Variants in VAC14 observed in about 807,000 individuals in gnomAD.
VAC14 encodes VAC14 component of PIKFYVE complex.
Under a neutral mutation model 85.3 loss-of-function variants are expected in VAC14, and 47 were observed. The ratio of observed to expected loss-of-function variants is 0.55; its 90% confidence interval spans 0.44 to 0.70. The LOEUF (loss-of-function observed/expected upper bound fraction) is 0.70, where lower values mean the gene tolerates loss of function less well. Among genes scored for constraint, VAC14 ranks in the 30% least tolerant of loss-of-function variants. VAC14 has a pLI of 0.00. For missense variants in VAC14, 861 were observed against 1,004.3 expected (o/e 0.86, Z 1.93); for synonymous variants, 447 against 430.5 (o/e 1.04, Z -0.47).
intron 14 of VAC14, chr16:70,715,771 AGTCGGGGCT>A (rs1308888077): frequency 2.8e-4 from 43 of 152,254 alleles, no homozygotes; most frequent in African/African-American, 1.0e-3. Flanking sequence ...TATGCGGTGG[AGTCGGGGCT>A]GTCGGGCCAA....
In VAC14 at chr16:70,761,016, T is replaced by TGTGTGC. The variant is rs1413571677; in HGVS notation, c.1371+1523_1371+1524insGCACAC. The TGTGTGC allele has an allele frequency of 1.1e-4, 33 of 300,922 alleles. No homozygotes were observed. The African/African-American group carries it at 1.2e-3, about 11-fold the overall frequency. 18.6% of individuals were successfully genotyped at this position (300,922 alleles called of 1,614,324 possible). A position where few individuals can be genotyped will look rare whatever the true frequency, so the allele number is the denominator to read the frequency against. On this transcript the variant is annotated intron_variant, in intron 12 of 18. Coordinates refer to ENST00000261776, the MANE Select transcript of VAC14 (RefSeq NM_018052.5). ...GTGTGTGTGTGTGTGTGTGTGTGTG[T>TGTGTGC]GTGCATGGGGGGGCGGGGGGTAGGC...
At chr16:70,711,916 C>T (rs752694662) in intron 14 of VAC14, among the ~76,000 whole-genome samples, 33 of 152,170 alleles carry the variant, frequency 2.2e-4, no homozygotes, top group Non-Finnish European at 3.2e-4. Flanking sequence ...AGCAGCCTCA[C>T]GGCGGCCTCT....
At chr16:70,706,744 G>A (rs1048708874) in intron 14 of VAC14, among the ~76,000 whole-genome samples, 21 of 151,904 alleles carry the variant, frequency 1.4e-4, no homozygotes, top group Middle Eastern at 3.2e-3. Flanking sequence ...CACCCGCCTC[G>A]GCCTCCCTAA....
At chr16:70,761,016 TGTGC>T (rs2032313979) in intron 12 of VAC14, 1 of 300,786 alleles carries the variant, frequency 3.3e-6, no homozygotes. Context: ...TGTGTGTGTG[TGTGC>T]ATGGGGGGGC....
chr16:70,714,892 G>A (rs1488669806), intron 14 of VAC14: 1 of 152,236 alleles, frequency 6.6e-6, no homozygotes, highest in East Asian at 1.9e-4. Flanking sequence ...GTGAACAAGT[G>A]AGGGTCTCAC....
At chr16:70,744,268 G>A (rs995349869) in intron 13 of VAC14, among the ~76,000 whole-genome samples, 155 bp downstream of exon 13, 3 of 152,174 alleles carry the variant, frequency 2.0e-5, no homozygotes, top group African/African-American at 7.2e-5. Flanking sequence ...GCGGTCTTGA[G>A]GTGGGAGATC....
intron 10 of VAC14, among the ~76,000 whole-genome samples, chr16:70,767,957 T>C (rs2032939223): frequency 1.3e-5 from 2 of 152,286 alleles, no homozygotes; most frequent in African/African-American, 4.8e-5. Context: ...CAATCATGAC[T>C]CACTGCACCC....
chr16:70,698,735 T>G lies in VAC14; in HGVS notation c.1738A>C (p.Lys580Gln). ...ADILLREEDL[K>Q]FASTMVHALN... ...GCGTGGACCATGGTCGAGGCGAACT[T>G]GAGGTCCTCCTCCCGCAGCAGGATG... The change falls in exon 15 of 19, where the codon AAG (lysine) becomes CAG (glutamine). Residue 580 changes from lysine to glutamine, a missense_variant. Around this residue, in one of 3 missense-constraint regions of VAC14, gnomAD observed 69 missense variants for 139.0 expected, o/e 0.50. Transcript: ENST00000261776. The G allele has an allele frequency of 6.2e-7, 1 of 1,614,192 alleles. No individual in the cohort carries two copies. The highest frequency in any genetic ancestry group is 8.5e-7 in the Non-Finnish European group (1 of 1,180,016).
Position 70,785,870 on chromosome 16 carries a change from C to A in VAC14, c.256-1G>T. The A allele has an allele frequency of 6.2e-7, 1 of 1,603,140 alleles. No individual in the cohort carries two copies. The highest frequency in any genetic ancestry group is 8.5e-7 in the Non-Finnish European group (1 of 1,173,752). ...GCTCCTTCAGGTAGAGCCCTGAGTC[C>A]TGCAAGGAGGCAGGAGGAGAAGACA... On this transcript the variant is annotated splice_acceptor_variant, in intron 2 of 18. Transcript: ENST00000261776. LOFTEE classifies it high-confidence loss of function.
chr16:70,763,361 C>T (rs182481331), intron 10 of VAC14, among the ~76,000 whole-genome samples: 14 of 152,340 alleles, frequency 9.2e-5, no homozygotes, highest in Non-Finnish European at 2.1e-4. Flanking sequence ...CTTTCTCCAG[C>T]ACCAGCCTGG....
chr16:70,741,775 C>T (rs1255154109), intron 13 of VAC14, among the ~76,000 whole-genome samples: 1 of 152,192 alleles, frequency 6.6e-6, no homozygotes, highest in Non-Finnish European at 1.5e-5. Flanking sequence ...ATCTGACAGC[C>T]TCGGTGAGTT....
chr16:70,777,945 G>C (rs1433904148), intron 9 of VAC14, among the ~76,000 whole-genome samples: 1 of 152,244 alleles, frequency 6.6e-6, no homozygotes, highest in Non-Finnish European at 1.5e-5. Context: ...GGCAGGGACT[G>C]TCTCCTGGGC....
rs2034043478 is a variant in VAC14 at position 70,786,130 on chromosome 16, G to T, written c.255+85C>A. On this transcript the variant is annotated intron_variant, in intron 2 of 18. Transcript: ENST00000261776. ...AAACATAGGTCTGCAATGCCCTACT[G>T]GGTCTTGACAGGGAAGGCATCGGGA... 3 of 1,553,164 alleles carry T rather than the reference G, an allele frequency of 1.9e-6. No individual in the cohort carries two copies. The African/African-American group carries it at 4.1e-5, about 21-fold the overall frequency.
chr16:70,689,945 T>C lies in VAC14; in HGVS notation c.2187-1855A>G. ...GTGGCCAGACGCTCCTCTAACCCAC[T>C]TAGGCCAAGGCCACAGGTGTGACCC... On this transcript the variant is annotated intron_variant, in intron 18 of 18. Coordinates refer to ENST00000261776, the MANE Select transcript of VAC14 (RefSeq NM_018052.5). The C allele has an allele frequency of 7.1e-6, 7 of 985,462 alleles. No individual in the cohort carries two copies. The South Asian group carries it at 3.3e-4, about 46-fold the overall frequency. The allele number at this position is 985,462 out of a possible 1,614,324, so 61.0% of individuals were successfully genotyped here.
chr16:70,696,503 A>G (rs2053713706), intron 16 of VAC14, among the ~76,000 whole-genome samples: 2 of 152,032 alleles, frequency 1.3e-5, no homozygotes, highest in South Asian at 2.1e-4. Flanking sequence ...ACAAAGCAAG[A>G]CTCCACCTCA....
At chr16:70,729,260 C>T (rs79035981) in intron 14 of VAC14, among the ~76,000 whole-genome samples, 3,192 of 152,300 alleles carry the variant, frequency 0.021, 94 homozygotes, top group African/African-American at 0.071. Context: ...GCGCTGAGTT[C>T]GAGAAGCCCT....
intron 12 of VAC14, chr16:70,755,052 T>C (rs2031719917): frequency 5.6e-6 from 1 of 177,688 alleles, no homozygotes. Context: ...GGCGGTGTCA[T>C]GTGACCTGCC....
chr16:70,777,722 T>C (rs532405200), intron 9 of VAC14, among the ~76,000 whole-genome samples: 1 of 152,260 alleles, frequency 6.6e-6, no homozygotes, highest in East Asian at 1.9e-4. Flanking sequence ...GGTGCAAATA[T>C]GCACACACAC....
chr16:70,739,263 G>A (rs528842614), intron 13 of VAC14, among the ~76,000 whole-genome samples: 5 of 152,340 alleles, frequency 3.3e-5, no homozygotes, highest in South Asian at 2.1e-4. Flanking sequence ...CCCAGTGCTC[G>A]TGATCCCTAC....
Sources: allele counts gnomAD v4.1 joint callset (sites outside exome capture counted in the v4.1 genomes callset), GRCh38; gene constraint gnomAD v4.1.1; regional missense constraint gnomAD v4.1.1; transcripts MANE v1.5; gene names NCBI Gene and HGNC (gene_info 2026-07-23, HGNC 2026-07-21).